FBN3: variants seen among roughly 807,000 people sequenced by gnomAD.
The protein encoded by FBN3 is fibrillin-3.
FBN3 carries 234 observed loss-of-function variants against 330.1 expected under a neutral mutation model. The ratio of observed to expected loss-of-function variants is 0.71; its 90% CI spans 0.64 to 0.79. FBN3 has a LOEUF of 0.79. Ranked by LOEUF, FBN3 falls within the 30% of genes least tolerant of loss-of-function variation. The pLI, the probability that FBN3 is intolerant of heterozygous loss-of-function variation, is 0.00. For missense variants in FBN3, 3,606 were observed against 3,886.9 expected (o/e 0.93, Z 1.92); for synonymous variants, 1,458 against 1,517.3 (o/e 0.96, Z 0.91).
intron 18 of FBN3, among the ~76,000 whole-genome samples, chr19:8,127,143 C>T (rs1271125317): frequency 6.6e-6 from 1 of 151,002 alleles, no homozygotes; most frequent in Non-Finnish European, 1.5e-5. Context: ...CTGCAACCTC[C>T]GTCTCCCGGG....
At chr19:8,114,096 G>A (rs1386098650) in intron 30 of FBN3, among the ~76,000 whole-genome samples, 1 of 152,040 alleles carries the variant, frequency 6.6e-6, no homozygotes, top group African/African-American at 2.4e-5. Flanking sequence ...AGACTGGAAT[G>A]ACACATCTAC....
chr19:8,121,818 C>T lies in FBN3; in HGVS notation c.3083-432G>A, dbSNP rs187045132. On this transcript the variant is annotated intron_variant, in intron 24 of 63. Coordinates refer to ENST00000600128, the MANE Select transcript of FBN3 (RefSeq NM_032447.5). The surrounding 1 kb of genome is among the most constrained non-coding windows in gnomAD (Gnocchi z 4.5). ...AGGATGGAGTGCAGTGATGCAATCT[C>T]GGCTCACTGCAACTTCTGCCTCCCA... 2.0e-5 allele frequency among the ~76,000 whole-genome samples: 3 copies of T among 152,078 alleles called. No individual in the cohort carries two copies. The highest frequency in any genetic ancestry group is 7.2e-5 in the African/African-American group (3 of 41,456).
rs141498023 is a variant in FBN3, at chr19:8,118,964, C to T, written c.3270G>A (p.Thr1090=). 77 of 1,612,596 alleles carry T rather than the reference C, an allele frequency of 4.8e-5. No homozygotes were observed. The highest frequency in any genetic ancestry group is 3.3e-4 in the Admixed American group (20 of 59,998). ...GACACTGGCACTTGTAGCTCCCATC[C>T]GTGTTGGTGCAAGTGCCTCCCCGGC... ...LLCRGGTCTN[T]DGSYKCQCPP... The change falls in exon 26 of 64, where the codon ACG becomes ACA. Residue 1090 remains threonine, a synonymous_variant. Transcript: ENST00000600128.
intron 13 of FBN3, 26 bp downstream of exon 13, chr19:8,135,935 T>TTGGGGGGGGGGGCGG: frequency 3.0e-6 from 4 of 1,344,156 alleles, no homozygotes; most frequent in Non-Finnish European, 2.0e-6. Context: ...CGGAAGCCCC[T>TTGGGGGGGGGGGCGG]GCCCACCCGC....
At chr19:8,133,163 TCC>T in intron 13 of FBN3, 57 bp from the exon 14 acceptor site, 6 of 1,507,868 alleles carry the variant, frequency 4.0e-6, no homozygotes, top group Non-Finnish European at 5.3e-6. Context: ...ACCCTCTCTC[TCC>T]CTCCTCCAGG....
At chr19:8,095,294 G>A in intron 46 of FBN3, 81 bp downstream of exon 46, 1 of 1,417,652 alleles carries the variant, frequency 7.1e-7, no homozygotes, top group East Asian at 2.4e-5. Context: ...ATGGATCTAT[G>A]CTCACCCAGA....
At chr19:8,110,712 G>T (rs1007891831) in intron 34 of FBN3, 133 bp downstream of exon 34, 4 of 1,220,708 alleles carry the variant, frequency 3.3e-6, no homozygotes, top group African/African-American at 3.0e-5. Flanking sequence ...CAGGCAAGGC[G>T]CCCCCCACCC....
Position 8,096,599 on chromosome 19 carries a change from G to C in FBN3, c.5414-30C>G. On this transcript the variant is annotated intron_variant, in intron 43 of 63. Transcript: ENST00000600128. The surrounding 1 kb of genome is among the most constrained non-coding windows in gnomAD (Gnocchi z 4.6). ...GGGTGCAGAGAGCATGGTGTTCCCA[G>C]GGCTCCTACCACAGTGTTTGCCTGA... 1 of 1,587,718 alleles carries C rather than the reference G, an allele frequency of 6.3e-7. No individual in the cohort carries two copies. The highest frequency in any genetic ancestry group is 8.6e-7 in the Non-Finnish European group (1 of 1,167,304).
In FBN3 at chr19:8,131,211, T is replaced by C. The variant is rs747149195; in HGVS notation, c.2044+24A>G. The C allele has an allele frequency of 7.5e-6, 12 of 1,601,240 alleles. 1 individual carries two copies. The South Asian group carries it at 1.2e-4, about 17-fold the overall frequency. ...CTGGTAGGGGCAGGCTGGCTGCTGT[T>C]TGGAGGGGCTGGGCTCCACTTACCT... On this transcript the variant is annotated intron_variant, in intron 16 of 63. Transcript: ENST00000600128. This position sits in a 1 kb window ranked among gnomAD's most constrained non-coding sequence, Gnocchi z 4.5.
chr19:8,127,880 CAG>C (rs537862400), intron 18 of FBN3, among the ~76,000 whole-genome samples: 276 of 152,258 alleles, frequency 1.8e-3, no homozygotes, highest in African/African-American at 6.4e-3. Context: ...ACTTGGGAGG[CAG>C]AGACAGGATA....
At chr19:8,135,936 G>GGGGGGGGGGGGGGGCGCCCCCCCCCC in intron 13 of FBN3, 25 bp downstream of exon 13, 3 of 668,770 alleles carry the variant, frequency 4.5e-6, no homozygotes, top group Non-Finnish European at 7.2e-6. Flanking sequence ...GGAAGCCCCT[G>GGGGGGGGGGGGGGGCGCCCCCCCCCC]CCCACCCGCC....
chr19:8,109,376 C>T lies in FBN3; in HGVS notation c.4469G>A (p.Gly1490Glu). The stretch of plus-strand genomic sequence containing the variant: ...GTCATGCGTCTCCAGGAAACAGTTC[C>T]CGGCCCGAGTGTCTGAACAGGCAGA... ...SGVGCVDTRA[G>E]NCFLETHDRG... Residue 1490 changes from glycine to glutamate, a missense_variant, in exon 36 of 64, where the codon GGG (glycine) becomes GAG (glutamate). Coordinates refer to ENST00000600128, the MANE Select transcript of FBN3 (RefSeq NM_032447.5). This position sits in a 1 kb window ranked among gnomAD's most constrained non-coding sequence, Gnocchi z 5.2. The T allele has an allele frequency of 6.2e-7, 1 of 1,614,136 alleles. No individual in the cohort carries two copies. The highest frequency in any genetic ancestry group is 2.2e-5 in the East Asian group (1 of 44,884).
At chr19:8,108,346 T>C in intron 36 of FBN3, 108 bp from the exon 37 acceptor site, 1 of 820,542 alleles carries the variant, frequency 1.2e-6, no homozygotes, top group Admixed American at 2.8e-5. Context: ...TGGGCTCCCA[T>C]CCTTCTACTG....
At chr19:8,093,617 C>T (rs552635476) in intron 47 of FBN3, among the ~76,000 whole-genome samples, 6 of 151,846 alleles carry the variant, frequency 4.0e-5, no homozygotes, top group East Asian at 1.9e-4. Flanking sequence ...AGTGAGACTC[C>T]GTCTCAAAAA....
chr19:8,126,181 G>A, intron 21 of FBN3, 116 bp downstream of exon 21: 1 of 1,420,952 alleles, frequency 7.0e-7, no homozygotes, highest in Non-Finnish European at 9.7e-7. Context: ...GAGAACGTCT[G>A]TCCCCATCGC....
Position 8,073,171 on chromosome 19 carries a change from T to A in FBN3, c.7829A>T (p.Glu2610Val), listed in dbSNP as rs1599261327. The change falls in exon 62 of 64, where the codon GAG (glutamate) becomes GTG (valine). Residue 2610 changes from glutamate to valine, a missense_variant. Coordinates refer to ENST00000600128, the MANE Select transcript of FBN3 (RefSeq NM_032447.5). ...DFDQALGGCQ[E>V]VDECAGRRGP... Reference sequence around the variant, plus strand: ...ACGCCGTCCGGCGCACTCATCCACCTCCTGGCAGCCCCCGAGGGCCTGATC... The same window carrying A: ...ACGCCGTCCGGCGCACTCATCCACCACCTGGCAGCCCCCGAGGGCCTGATC... 6.2e-7 allele frequency: 1 copy of A among 1,613,788 alleles called. No individual in the cohort carries two copies. Among genetic ancestry groups the A allele is most frequent in the East Asian group, 2.2e-5 (1 of 44,872 alleles).
At chr19:8,112,979 T>C (rs966296625) in intron 30 of FBN3, among the ~76,000 whole-genome samples, 1 of 152,212 alleles carries the variant, frequency 6.6e-6, no homozygotes, top group South Asian at 2.1e-4. Flanking sequence ...GTGGATAGAA[T>C]TGTGTCCCCT....
chr19:8,094,601 C>G (rs2082171730), intron 46 of FBN3, 36 bp from the exon 47 acceptor site: 1 of 1,597,650 alleles, frequency 6.3e-7, no homozygotes, highest in Non-Finnish European at 8.5e-7. Context: ...TTGTGCCAGC[C>G]AGGATGCAGG....
In FBN3 at chr19:8,125,993, G is replaced by A. The variant is rs951781682; in HGVS notation, c.2630C>T (p.Pro877Leu). Residue 877 changes from proline to leucine, a missense_variant, in exon 22 of 64, where the codon CCG becomes CTG. Physicochemically the swap from Pro to Leu is moderately conservative, Grantham distance 98 (BLOSUM62 -3). Coordinates refer to ENST00000600128, the MANE Select transcript of FBN3 (RefSeq NM_032447.5). ...CDDVNECESF[P>L]GVCPNGRCVN... ...GCAACGCCCGTTGGGACAGACTCCC[G>A]GGAAGGACTCACACTCGTTCACATC... The A allele has an allele frequency of 1.9e-5, 30 of 1,613,902 alleles. No individual in the cohort carries two copies. Among genetic ancestry groups the A allele is most frequent in the Non-Finnish European group, 2.3e-5 (27 of 1,179,984 alleles).
Sources: gnomAD v4.1 joint callset for allele counts (sites outside exome capture counted in the v4.1 genomes callset) on GRCh38, gnomAD v4.1.1 for gene constraint, Gnocchi (gnomAD v3.1) non-coding constraint, MANE v1.5 for transcripts, NCBI Gene and HGNC (gene_info 2026-07-23, HGNC 2026-07-21) for gene names.